The following MYBBP1A variants were observed in gnomAD, a reference collection of about 807,000 sequenced individuals.
The protein encoded by MYBBP1A is myb-binding protein 1A.
A neutral mutation model predicts 136.3 loss-of-function variants in MYBBP1A; 147 were observed. That is an observed-to-expected ratio of 1.08 (90% CI 0.94 to 1.24). The LOEUF is 1.24. Ranked by LOEUF, MYBBP1A falls within the 50% of genes most tolerant of loss-of-function variation. The probability of loss-of-function intolerance (pLI) is 0.00; values close to 1 mark genes in which losing one functional copy is unlikely to be tolerated. For synonymous variants in MYBBP1A, 947 were observed against 735.8 expected, an observed-to-expected ratio of 1.29 and a Z score of -4.65; for missense variants, 2,060 against 1,727.4, an observed-to-expected ratio of 1.19 and a Z score of -3.41.
chr17:4,553,495 G>A (rs899745413), intron 5 of MYBBP1A, among the ~76,000 whole-genome samples: 3 of 152,232 alleles, frequency 2.0e-5, no homozygotes, highest in African/African-American at 7.2e-5. Context: ...AATCTGAACA[G>A]GGGTGTGCCT....
chr17:4,551,040 G>A (rs987534954), intron 8 of MYBBP1A, among the ~76,000 whole-genome samples: 1 of 152,244 alleles, frequency 6.6e-6, no homozygotes, highest in Non-Finnish European at 1.5e-5. Flanking sequence ...GGCATGTAGT[G>A]CCATGATCAT....
Position 4,543,025 on chromosome 17 carries a change from G to A in MYBBP1A, c.2780C>T (p.Ser927Phe). 6.2e-7 allele frequency: 1 copy of A among 1,613,898 alleles called. No homozygotes were observed. Among genetic ancestry groups the A allele is most frequent in the Non-Finnish European group, 8.5e-7 (1 of 1,179,974 alleles). Reference protein sequence around the residue: ...SPTALYHFNASLYLLRVLKGN... With the variant: ...SPTALYHFNAFLYLLRVLKGN... Reference sequence around the variant, plus strand: ...CTTCAAGACCCGGAGCAGGTAGAGAGAGGCGTTGAAGTGGTAGAGGGCGGT... The same window carrying A: ...CTTCAAGACCCGGAGCAGGTAGAGAAAGGCGTTGAAGTGGTAGAGGGCGGT... The change falls in exon 20 of 26, where the codon TCT becomes TTT. Residue 927 changes from serine to phenylalanine, a missense_variant. Physicochemically the swap from Ser to Phe is radical, Grantham distance 155. Coordinates refer to ENST00000254718, the MANE Select transcript of MYBBP1A (RefSeq NM_014520.4).
At position 4,548,176 on chromosome 17, in the gene MYBBP1A, G is replaced by A. The variant is rs763901169; in HGVS notation, c.1691C>T (p.Pro564Leu). The A allele has an allele frequency of 6.2e-7, 1 of 1,605,770 alleles. No homozygotes were observed. Among genetic ancestry groups the A allele is most frequent in the Non-Finnish European group, 8.5e-7 (1 of 1,179,976 alleles). ...NHSHNVTTVTPFTAQQRQAWD... is the reference protein window; with the variant it reads ...NHSHNVTTVTLFTAQQRQAWD... ...GGCCTGGCGCTGCTGCGCAGTGAAG[G>A]GTGTCACGGTGGTCACGTTGTGGCT... The change falls in exon 12 of 26, where the codon CCC (proline) becomes CTC (leucine). Residue 564 changes from proline to leucine, a missense_variant. By Grantham distance (98) the Pro-to-Leu change is moderately conservative (BLOSUM62 -3). Transcript: ENST00000254718. This position sits in a 1 kb window ranked among gnomAD's most constrained non-coding sequence, Gnocchi z 4.2.
rs367655864 is a variant in MYBBP1A, at chr17:4,552,359, C to A, written c.738-67G>T. 1 of 1,605,412 alleles carries A rather than the reference C, an allele frequency of 6.2e-7. No individual in the cohort carries two copies. The highest frequency in any genetic ancestry group is 8.5e-7 in the Non-Finnish European group (1 of 1,176,326). On this transcript the variant is annotated intron_variant, in intron 6 of 25. Coordinates refer to ENST00000254718, the MANE Select transcript of MYBBP1A (RefSeq NM_014520.4). This position sits in a 1 kb window ranked among gnomAD's most constrained non-coding sequence, Gnocchi z 4.7. ...CAAGGGCCAGGGTGACAAGAGCAGC[C>A]GGGACACCCCCAGGCCAAACGACAA...
rs148885452 is a variant in MYBBP1A at position 4,553,816 on chromosome 17, G to A, written c.555C>T (p.Leu185=). 2.9e-5 allele frequency: 46 copies of A among 1,613,738 alleles called. 2 individuals are homozygous for A. In the African/African-American group the frequency reaches 3.7e-4, roughly 13 times the overall value. ...ACAGCTGGGGAGCTCATACCTCGGA[G>A]AGGATGTCCACCAGGGCCTTCCGGG... is the stretch of plus-strand genomic sequence containing the variant. ...EQPRKALVDI[L]SEVSKATLQE... Residue 185 remains leucine, a synonymous_variant, in exon 5 of 26, where the codon CTC becomes CTT. Transcript: ENST00000254718.
rs1459701956 is a variant in MYBBP1A at position 4,539,795 on chromosome 17, T to C, written c.3607A>G (p.Ser1203Gly). 2 of 1,612,162 alleles carry C rather than the reference T, an allele frequency of 1.2e-6. No homozygotes were observed. Among genetic ancestry groups the C allele is most frequent in the Non-Finnish European group, 1.7e-6 (2 of 1,179,970 alleles). Reference sequence around the variant, plus strand: ...TTCCTGCCCATGCTGGGGGGCTGGCTCCCGCCGGTGGCTGCAGGTGTGCCA... The same window carrying C: ...TTCCTGCCCATGCTGGGGGGCTGGCCCCCGCCGGTGGCTGCAGGTGTGCCA... ...EDGTPAATGG[S>G]QPPSMGRKKR... The change falls in exon 26 of 26, where the codon AGC becomes GGC. Residue 1203 changes from serine (S) to glycine (G), a missense_variant. Physicochemically the swap from Ser to Gly is moderately conservative, Grantham distance 56 (BLOSUM62 0). Coordinates refer to ENST00000254718, the MANE Select transcript of MYBBP1A (RefSeq NM_014520.4).
chr17:4,539,023 C>T lies in MYBBP1A; in HGVS notation c.*392G>A, dbSNP rs150615002. 4 of 841,646 alleles carry T rather than the reference C, an allele frequency of 4.8e-6. No individual in the cohort carries two copies. Among genetic ancestry groups the T allele is most frequent in the Non-Finnish European group, 8.4e-6 (4 of 474,578 alleles). 52.1% of individuals were successfully genotyped at this position (841,646 alleles called of 1,614,324 possible). A position where few individuals can be genotyped will look rare whatever the true frequency, so the allele number is the denominator to read the frequency against. The stretch of plus-strand genomic sequence containing the variant: ...TTCCTCTTGTAAATGAAGAAATAAA[C>T]CTATTTAAATCACCCCCTGGTGGCT... On this transcript the variant is annotated 3_prime_UTR_variant, in exon 26 of 26. Coordinates refer to ENST00000254718, the MANE Select transcript of MYBBP1A (RefSeq NM_014520.4).
In MYBBP1A at chr17:4,539,598, G is replaced by A. The variant is rs1233689517; in HGVS notation, c.3804C>T (p.Pro1268=). 2 of 1,614,064 alleles carry A rather than the reference G, an allele frequency of 1.2e-6. No individual in the cohort carries two copies. The highest frequency in any genetic ancestry group is 3.3e-5 in the Admixed American group (2 of 60,014). The part of the protein sequence containing the change: ...PSQVNGAPGS[P]TEPAGQKQHQ... ...GCTGCTTTTGGCCTGCAGGTTCCGTGGGGGACCCGGGAGCTCCATTCACCT... is the reference window on the plus strand; with the variant it reads ...GCTGCTTTTGGCCTGCAGGTTCCGTAGGGGACCCGGGAGCTCCATTCACCT... The change falls in exon 26 of 26, where the codon CCC becomes CCT. Residue 1268 remains proline (P), a synonymous_variant. Coordinates refer to ENST00000254718, the MANE Select transcript of MYBBP1A (RefSeq NM_014520.4).
In MYBBP1A at chr17:4,545,251, G is replaced by A. The variant is rs770154357; in HGVS notation, c.2160+8C>T. 1 of 1,612,116 alleles carries A rather than the reference G, an allele frequency of 6.2e-7. No homozygotes were observed. The highest frequency in any genetic ancestry group is 8.5e-7 in the Non-Finnish European group (1 of 1,179,774). ...CCACCGCCCCCGCCCGGCCCATGCT[G>A]GCAACACCTCTGCACCCTTCAGCCG... is the stretch of plus-strand genomic sequence containing the variant. On this transcript the variant is annotated splice_region_variant and intron_variant, in intron 16 of 25. Transcript: ENST00000254718.
rs748692490 is a variant in MYBBP1A, at chr17:4,553,812, C to G, written c.559G>C (p.Glu187Gln). 1.2e-5 allele frequency: 20 copies of G among 1,613,656 alleles called. No individual in the cohort carries two copies. The highest frequency in any genetic ancestry group is 4.0e-5 in the African/African-American group (3 of 74,924). Reference sequence around the variant, plus strand: ...CCGCACAGCTGGGGAGCTCATACCTCGGAGAGGATGTCCACCAGGGCCTTC... The same window carrying G: ...CCGCACAGCTGGGGAGCTCATACCTGGGAGAGGATGTCCACCAGGGCCTTC... The part of the protein sequence containing the change: ...PRKALVDILS[E>Q]VSKATLQEIL... Residue 187 changes from glutamate (E) to glutamine (Q), a missense_variant and splice_region_variant, in exon 5 of 26, where the codon GAG (glutamate) becomes CAG (glutamine). Physicochemically the swap from Glu to Gln is conservative, Grantham distance 29 (BLOSUM62 2). Coordinates refer to ENST00000254718, the MANE Select transcript of MYBBP1A (RefSeq NM_014520.4).
In MYBBP1A at chr17:4,552,096, G is replaced by A. The variant is rs751488421; in HGVS notation, c.905+29C>T. 2.5e-6 allele frequency: 4 copies of A among 1,606,516 alleles called. No homozygotes were observed. Among genetic ancestry groups the A allele is most frequent in the South Asian group, 1.1e-5 (1 of 89,862 alleles). On this transcript the variant is annotated intron_variant, in intron 7 of 25. Transcript: ENST00000254718. The surrounding 1 kb of genome is among the most constrained non-coding windows in gnomAD (Gnocchi z 4.7). ...AGCCCACTTCACGGACAGGGAAGGGGGCCGAGAGAGGACACGCGTCGCCCG... is the reference window on the plus strand; with the variant it reads ...AGCCCACTTCACGGACAGGGAAGGGAGCCGAGAGAGGACACGCGTCGCCCG...
Position 4,539,076 on chromosome 17 carries a change from A to C in MYBBP1A, c.*339T>G. On this transcript the variant is annotated 3_prime_UTR_variant, in exon 26 of 26. Transcript: ENST00000254718. Reference sequence around the variant, plus strand: ...CTCACAGCAAAAAAGCCTGGGGGCAAAGAGGTGGCAGGCACGAGAGATGGT... The same window carrying C: ...CTCACAGCAAAAAAGCCTGGGGGCACAGAGGTGGCAGGCACGAGAGATGGT... 2.9e-6 allele frequency: 4 copies of C among 1,391,434 alleles called. No individual in the cohort carries two copies. Among genetic ancestry groups the C allele is most frequent in the Admixed American group, 1.8e-5 (1 of 56,386 alleles). The allele number at this position is 1,391,434 out of a possible 1,614,324, so 86.2% of individuals were successfully genotyped here.
rs1043479275 is a variant in MYBBP1A, at chr17:4,555,132, G to A, written c.193C>T (p.Pro65Ser). 1 of 1,590,050 alleles carries A rather than the reference G, an allele frequency of 6.3e-7. No individual in the cohort carries two copies. The highest frequency in any genetic ancestry group is 8.6e-7 in the Non-Finnish European group (1 of 1,168,020). Reference protein sequence around the residue: ...EKLLEYLRGRPKGSEMKYALK... With the variant: ...EKLLEYLRGRSKGSEMKYALK... ...CCCAGACCCCGCCACTCCACCTTCGGCCTGCCACGCAGATACTCCAGCAGC... is the reference window on the plus strand; with the variant it reads ...CCCAGACCCCGCCACTCCACCTTCGACCTGCCACGCAGATACTCCAGCAGC... The change falls in exon 1 of 26, where the codon CCG (proline) becomes TCG (serine). Residue 65 changes from proline to serine, a missense_variant. Transcript: ENST00000254718.
chr17:4,551,858 G>T, intron 8 of MYBBP1A, 22 bp downstream of exon 8: 1 of 1,600,628 alleles, frequency 6.2e-7, no homozygotes, highest in Non-Finnish European at 8.6e-7. Flanking sequence ...TGGCAGTGTC[G>T]AGCTGCACGG....
chr17:4,551,833 C>T (rs769442410), intron 8 of MYBBP1A, 47 bp downstream of exon 8: 1 of 1,552,448 alleles, frequency 6.4e-7, no homozygotes, highest in Non-Finnish European at 8.9e-7. Flanking sequence ...GGGAGAGCTC[C>T]ACGTCTAGCC....
chr17:4,555,145 A>G lies in MYBBP1A; in HGVS notation c.180T>C (p.Tyr60=), dbSNP rs568645637. The change falls in exon 1 of 26, where the codon TAT becomes TAC. Residue 60 remains tyrosine, a synonymous_variant. Transcript: ENST00000254718. Reference sequence around the variant, plus strand: ...ACTCCACCTTCGGCCTGCCACGCAGATACTCCAGCAGCTTCTCCGTGGCCG... The same window carrying G: ...ACTCCACCTTCGGCCTGCCACGCAGGTACTCCAGCAGCTTCTCCGTGGCCG... ...RLAATEKLLE[Y]LRGRPKGSEM... is the part of the protein sequence containing the mutation. 1.9e-6 allele frequency: 3 copies of G among 1,597,126 alleles called. No homozygotes were observed. The highest frequency in any genetic ancestry group is 3.4e-5 in the Admixed American group (2 of 58,134).
In MYBBP1A at chr17:4,548,318, A is replaced by T. The variant is rs1292725293; in HGVS notation, c.1557-8T>A. ...CTGAGGGTCTGCAACAGACTGGGCAAGGGATGGGGCTTGGGGTCAGCAGAC... is the reference window on the plus strand; with the variant it reads ...CTGAGGGTCTGCAACAGACTGGGCATGGGATGGGGCTTGGGGTCAGCAGAC... On this transcript the variant is annotated splice_polypyrimidine_tract_variant and splice_region_variant and intron_variant, in intron 11 of 25. Coordinates refer to ENST00000254718, the MANE Select transcript of MYBBP1A (RefSeq NM_014520.4). The surrounding 1 kb of genome is among the most constrained non-coding windows in gnomAD (Gnocchi z 4.2). 18 of 1,611,334 alleles carry T rather than the reference A, an allele frequency of 1.1e-5. No homozygotes were observed. The highest frequency in any genetic ancestry group is 1.4e-5 in the Non-Finnish European group (16 of 1,179,610).
rs143662762 is a variant in MYBBP1A at position 4,548,223 on chromosome 17, G to A, written c.1644C>T (p.Phe548=). 1.5e-4 allele frequency: 245 copies of A among 1,610,536 alleles called. No individual in the cohort carries two copies. The African/African-American group carries it at 2.5e-3, about 16-fold the overall frequency. The change falls in exon 12 of 26, where the codon TTC becomes TTT. Residue 548 remains phenylalanine, a synonymous_variant. Transcript: ENST00000254718. The surrounding 1 kb of genome is among the most constrained non-coding windows in gnomAD (Gnocchi z 4.2). The part of the protein sequence containing the change: ...GQPWTYHLVQ[F]ADLLLNHSHN... ...GGCTGTGATTCAACAGGAGGTCTGC[G>A]AACTGCACCAGGTGGTAGGTCCAGG... is the stretch of plus-strand genomic sequence containing the variant.
intron 25 of MYBBP1A, 127 bp downstream of exon 25, chr17:4,540,221 T>C (rs1597375974): frequency 7.6e-7 from 1 of 1,318,958 alleles, no homozygotes; most frequent in Non-Finnish European, 1.0e-6. Flanking sequence ...TGAGTGCATG[T>C]GTGTGCAGCA....
Sources: gnomAD v4.1 joint callset for allele counts (sites outside exome capture counted in the v4.1 genomes callset) on GRCh38, gnomAD v4.1.1 for gene constraint, Gnocchi (gnomAD v3.1) non-coding constraint, MANE v1.5 for transcripts, NCBI Gene and HGNC (gene_info 2026-07-23, HGNC 2026-07-21) for gene names.